The following MLIP variants were observed in gnomAD, a reference collection of about 807,000 sequenced individuals.
MLIP encodes muscular LMNA-interacting protein.
MLIP carries 79 observed loss-of-function variants against 84.8 expected under a neutral mutation model. The observed-to-expected ratio is 0.93, with a 90% CI of 0.78 to 1.12. The LOEUF (loss-of-function observed/expected upper bound fraction) is 1.12, where lower values mean the gene tolerates loss of function less well. MLIP is among the 50% of genes most tolerant of loss of function. The probability of loss-of-function intolerance (pLI) is 0.00; values close to 1 mark genes in which losing one functional copy is unlikely to be tolerated. For missense variants in MLIP, 1,257 were observed against 1,160.6 expected (o/e 1.08, Z -1.21); for synonymous variants, 504 against 463.0 (o/e 1.09, Z -1.14).
intron 2 of MLIP, among the ~76,000 whole-genome samples, chr6:54,124,153 A>T (rs1770704054): frequency 6.6e-6 from 1 of 152,134 alleles, no homozygotes; most frequent in Non-Finnish European, 1.5e-5. Context: ...CATTTGTTTC[A>T]CAAATGTCTT....
chr6:54,231,471 G>T (rs1396289649), intron 12 of MLIP, among the ~76,000 whole-genome samples: 5 of 77,668 alleles, frequency 6.4e-5, no homozygotes, highest in Non-Finnish European at 2.1e-4. Context: ...GTGTGTGCGT[G>T]TGTGTGCGTG....
intron 1 of MLIP, among the ~76,000 whole-genome samples, chr6:54,115,127 A>G (rs181596317): frequency 1.8e-4 from 28 of 152,254 alleles, no homozygotes; most frequent in African/African-American, 6.5e-4. Context: ...GGCAGCATTG[A>G]AAAGCCTTCT....
At chr6:54,050,171 G>C (rs1012857674) in intron 1 of MLIP, among the ~76,000 whole-genome samples, 2 of 151,942 alleles carry the variant, frequency 1.3e-5, no homozygotes, top group African/African-American at 2.4e-5. Context: ...AAAGGATTAA[G>C]CCTTGTATAT....
intron 5 of MLIP, among the ~76,000 whole-genome samples, chr6:54,160,086 C>A (rs193137278): frequency 1.3e-5 from 2 of 152,146 alleles, no homozygotes; most frequent in Non-Finnish European, 2.9e-5. Context: ...AAAGAGTTCC[C>A]TATTTAATAA....
At chr6:54,133,485 A>G (rs1345294750) in intron 3 of MLIP, among the ~76,000 whole-genome samples, 2 of 152,210 alleles carry the variant, frequency 1.3e-5, no homozygotes, top group Non-Finnish European at 2.9e-5. Context: ...GAGGAAGAGC[A>G]CAACTATATA....
At chr6:54,264,750 C>T (rs973892157) in intron 13 of MLIP, among the ~76,000 whole-genome samples, 5 of 152,020 alleles carry the variant, frequency 3.3e-5, no homozygotes, top group Non-Finnish European at 7.4e-5. Flanking sequence ...GTCATTTCCT[C>T]CCTTCATTCT....
chr6:54,145,777 C>T (rs1561980809), intron 4 of MLIP, among the ~76,000 whole-genome samples: 1 of 149,890 alleles, frequency 6.7e-6, no homozygotes, highest in Non-Finnish European at 1.5e-5. Flanking sequence ...CTCTGTCCCC[C>T]ACCACCCCCT....
intron 4 of MLIP, among the ~76,000 whole-genome samples, chr6:54,141,190 C>T (rs575301774): frequency 6.6e-6 from 1 of 152,130 alleles, no homozygotes; most frequent in Non-Finnish European, 1.5e-5. Context: ...GGTTCTGAAT[C>T]TGCTTGCATT....
At chr6:54,053,446 A>G (rs1187585232) in intron 1 of MLIP, among the ~76,000 whole-genome samples, 2 of 152,144 alleles carry the variant, frequency 1.3e-5, no homozygotes, top group Non-Finnish European at 2.9e-5. Flanking sequence ...TTCTGGGAAA[A>G]TGCAATATAA....
intron 1 of MLIP, among the ~76,000 whole-genome samples, chr6:54,037,272 T>C (rs1764499016): frequency 6.6e-6 from 1 of 152,018 alleles, no homozygotes; most frequent in African/African-American, 2.4e-5. Context: ...TCTGCATGCA[T>C]CAATTCACAT....
chr6:54,023,674 A>G (rs976067413), intron 1 of MLIP, among the ~76,000 whole-genome samples: 24 of 151,924 alleles, frequency 1.6e-4, no homozygotes, highest in African/African-American at 5.6e-4. Flanking sequence ...AGTTCAAGCG[A>G]TTCTCCTGCC....
At chr6:54,027,014 T>A (rs915592287) in intron 1 of MLIP, among the ~76,000 whole-genome samples, 1 of 152,220 alleles carries the variant, frequency 6.6e-6, no homozygotes, top group African/African-American at 2.4e-5. Context: ...TTAAATTCTT[T>A]CCATACCAAA....
intron 1 of MLIP, among the ~76,000 whole-genome samples, chr6:54,038,688 T>A (rs75478696): frequency 1.3e-5 from 2 of 151,778 alleles, no homozygotes; most frequent in Non-Finnish European, 2.9e-5. Flanking sequence ...GACACTTTGC[T>A]CTCTGCTTTC....
chr6:54,215,393 G>A, intron 11 of MLIP: 7 of 1,287,510 alleles, frequency 5.4e-6, no homozygotes, highest in East Asian at 3.0e-5. Flanking sequence ...CATTTCTAAT[G>A]GAACCCATAC....
intron 5 of MLIP, among the ~76,000 whole-genome samples, chr6:54,159,448 G>T (rs897600090): frequency 6.6e-6 from 1 of 152,026 alleles, no homozygotes; most frequent in Non-Finnish European, 1.5e-5. Flanking sequence ...ATAAACTCTG[G>T]ATAAGAATAT....
intron 4 of MLIP, among the ~76,000 whole-genome samples, chr6:54,140,178 T>C (rs1772169889): frequency 6.6e-6 from 1 of 152,186 alleles, no homozygotes; most frequent in South Asian, 2.1e-4. Flanking sequence ...CATATACTTA[T>C]TCTTTTTTTG....
chr6:54,183,675 A>G (rs2150647343), intron 9 of MLIP, among the ~76,000 whole-genome samples: 1 of 150,576 alleles, frequency 6.6e-6, no homozygotes, highest in South Asian at 2.1e-4. Context: ...TACTCTTTAT[A>G]TTAGATATTA....
chr6:54,143,267 G>C (rs1373850887), intron 4 of MLIP, among the ~76,000 whole-genome samples: 2 of 150,680 alleles, frequency 1.3e-5, no homozygotes, highest in African/African-American at 4.9e-5. Context: ...GTCCAGGCTG[G>C]AGTGCAATGG....
intron 11 of MLIP, among the ~76,000 whole-genome samples, chr6:54,210,142 G>A (rs62397394): frequency 4.3e-5 from 6 of 138,662 alleles, no homozygotes; most frequent in Non-Finnish European, 9.6e-5. Flanking sequence ...TCACCTCACC[G>A]CACCGCACCG....
Sources: allele counts gnomAD v4.1 joint callset (sites outside exome capture counted in the v4.1 genomes callset), GRCh38; gene constraint gnomAD v4.1.1; transcripts MANE v1.5; gene names NCBI Gene and HGNC (gene_info 2026-07-23, HGNC 2026-07-21).